Variants in NUB1 observed in about 807,000 individuals in gnomAD.
The protein encoded by NUB1 is NEDD8 ultimate buster 1.
Under a neutral mutation model 77.1 loss-of-function variants are expected in NUB1, and 41 were observed. That is an observed-to-expected ratio of 0.53 (90% confidence interval 0.41 to 0.69). The LOEUF (loss-of-function observed/expected upper bound fraction) is 0.69, where lower values mean the gene tolerates loss of function less well. Ranked by LOEUF, NUB1 falls within the 30% of genes least tolerant of loss-of-function variation. NUB1 has a pLI of 0.00. For synonymous variants in NUB1, 257 were observed against 281.0 expected (o/e 0.91, Z 0.85); for missense variants, 643 against 743.8 (o/e 0.86, Z 1.58).
intron 7 of NUB1, among the ~76,000 whole-genome samples, chr7:151,356,771 G>T (rs1021351313): frequency 6.6e-6 from 1 of 152,180 alleles, no homozygotes; most frequent in Admixed American, 6.5e-5. Flanking sequence ...AGGCTGGAGT[G>T]CAATGGCTCA....
intron 9 of NUB1, 81 bp downstream of exon 9, chr7:151,367,206 AC>A: frequency 8.7e-7 from 1 of 1,153,558 alleles, no homozygotes; most frequent in South Asian, 1.4e-5. Flanking sequence ...TATTTGAACT[AC>A]TGCCAGAAGG....
intron 7 of NUB1, among the ~76,000 whole-genome samples, chr7:151,357,868 C>T (rs1208129264): frequency 6.6e-6 from 1 of 151,894 alleles, no homozygotes; most frequent in Non-Finnish European, 1.5e-5. Flanking sequence ...CCTCGGCCTC[C>T]CAAAGTGCTG....
intron 7 of NUB1, among the ~76,000 whole-genome samples, chr7:151,356,652 T>C (rs565584670): frequency 2.6e-4 from 40 of 152,358 alleles, no homozygotes; most frequent in Admixed American, 2.2e-3. Flanking sequence ...TCATACTCTT[T>C]CCCTGTTCTA....
chr7:151,365,563 C>A (rs1797633849), intron 8 of NUB1, among the ~76,000 whole-genome samples: 1 of 152,084 alleles, frequency 6.6e-6, no homozygotes, highest in Non-Finnish European at 1.5e-5. Context: ...TGCCTAGAGG[C>A]AGGAAATCTC....
rs1418529355 is a variant in NUB1, at chr7:151,345,375, C to A, written c.26C>A (p.Ala9Glu). The A allele has an allele frequency of 6.2e-7, 1 of 1,611,862 alleles. No homozygotes were observed. The highest frequency in any genetic ancestry group is 8.5e-7 in the Non-Finnish European group (1 of 1,178,686). Residue 9 changes from alanine to glutamate, a missense_variant, in exon 2 of 15, where the codon GCA becomes GAA. Physicochemically the swap from Ala to Glu is moderately radical, Grantham distance 107. Transcript: ENST00000568733. MAQKKYLQ[A>E]KLTQFLREDR... ...ATGGCACAAAAGAAATATCTTCAAG[C>A]AAAATTGACCCAGTTTTTAAGGGAA...
At position 151,374,118 on chromosome 7, in the gene NUB1, G is replaced by A; in HGVS notation, c.1270G>A (p.Glu424Lys). ...AAAGGAACTGGCCCAAATAAGGAAG[G>A]AGGAAAAAGAGAAGAAAAGACGCCG... ...RREELAQIRK[E>K]EKEKKRRRLE... The change falls in exon 12 of 15, where the codon GAG (glutamate) becomes AAG (lysine). Residue 424 changes from glutamate to lysine, a missense_variant. Glu to Lys is a moderately conservative substitution (Grantham distance 56). Coordinates refer to ENST00000568733, the MANE Select transcript of NUB1 (RefSeq NM_001243351.2). 1 of 1,564,644 alleles carries A rather than the reference G, an allele frequency of 6.4e-7. No homozygotes were observed. Among genetic ancestry groups the A allele is most frequent in the Non-Finnish European group, 8.7e-7 (1 of 1,155,056 alleles).
At position 151,377,893 on chromosome 7, in the gene NUB1, T is replaced by A. The variant is rs1468052478; in HGVS notation, c.*668T>A. 1 of 152,228 alleles carries A rather than the reference T, an allele frequency of 6.6e-6. No homozygotes were observed. Among genetic ancestry groups the A allele is most frequent in the Non-Finnish European group, 1.5e-5 (1 of 68,030 alleles). 9.4% of individuals were successfully genotyped at this position (152,228 alleles called of 1,614,324 possible). ...ATTGAGTGTCAGGCTTTATATATAT[T>A]CAGCATTCCTCATTACAGAAATCTT... On this transcript the variant is annotated 3_prime_UTR_variant, in exon 15 of 15. Transcript: ENST00000568733.
Position 151,376,746 on chromosome 7 carries a change from C to T in NUB1, c.1604C>T (p.Pro535Leu), listed in dbSNP as rs570959192. 1.1e-5 allele frequency: 18 copies of T among 1,598,942 alleles called. No individual in the cohort carries two copies. Among genetic ancestry groups the T allele is most frequent in the Non-Finnish European group, 1.5e-5 (18 of 1,173,854 alleles). Residue 535 changes from proline to leucine, a missense_variant, in exon 14 of 15, where the codon CCC (proline) becomes CTC (leucine). Coordinates refer to ENST00000568733, the MANE Select transcript of NUB1 (RefSeq NM_001243351.2). ...TLAHNGGSLP[P>L]ELPLSPEDSL... is the part of the protein sequence containing the mutation. ...GCTCACAACGGAGGAAGCCTGCCTC[C>T]CGAGCTGCCGCTGTCGCCAGAAGAC...
chr7:151,370,768 C>T (rs373725093), intron 11 of NUB1, among the ~76,000 whole-genome samples: 14 of 148,122 alleles, frequency 9.5e-5, no homozygotes, highest in African/African-American at 3.2e-4. Context: ...TGTTCAATTC[C>T]CACCTGTGAG....
chr7:151,376,799 T>C lies in NUB1; in HGVS notation c.1657T>C (p.Ser553Pro), dbSNP rs1236851616. Residue 553 changes from serine (S) to proline (P), a missense_variant, in exon 14 of 15, where the codon TCT (serine) becomes CCT (proline). By Grantham distance (74) the Ser-to-Pro change is moderately conservative. Coordinates refer to ENST00000568733, the MANE Select transcript of NUB1 (RefSeq NM_001243351.2). ...DSLSPPATSP[S>P]DSAGTSSAST... ...TTTGTCCCCGCCAGCCACGTCCCCTTCTGACTCCGCAGGTAGGTCTGAGGT... is the reference window on the plus strand; with the variant it reads ...TTTGTCCCCGCCAGCCACGTCCCCTCCTGACTCCGCAGGTAGGTCTGAGGT... 14 of 1,585,098 alleles carry C rather than the reference T, an allele frequency of 8.8e-6. No individual in the cohort carries two copies. Among genetic ancestry groups the C allele is most frequent in the Non-Finnish European group, 1.2e-5 (14 of 1,166,656 alleles).
intron 11 of NUB1, among the ~76,000 whole-genome samples, chr7:151,370,367 G>T (rs369161689): frequency 2.6e-4 from 39 of 152,290 alleles, no homozygotes; most frequent in Admixed American, 7.8e-4. Context: ...GGGATCACAG[G>T]TGTGAGCCAC....
intron 7 of NUB1, among the ~76,000 whole-genome samples, chr7:151,357,807 G>C (rs536276419): frequency 1.3e-5 from 2 of 149,168 alleles, no homozygotes; most frequent in African/African-American, 4.9e-5. Context: ...ACGGGGTTTC[G>C]CCATGTTGGC....
intron 10 of NUB1, 143 bp from the exon 11 acceptor site, chr7:151,368,592 C>A: frequency 1.1e-6 from 1 of 873,344 alleles, no homozygotes; most frequent in Non-Finnish European, 1.7e-6. Flanking sequence ...TTGTTAATAA[C>A]AGGCCTAGTT....
At chr7:151,351,612 A>G (rs939528104) in intron 4 of NUB1, 130 bp downstream of exon 4, 2 of 682,140 alleles carry the variant, frequency 2.9e-6, no homozygotes, top group Admixed American at 3.1e-5. Flanking sequence ...GAGAAAATTG[A>G]GGCTTTGAGG....
intron 11 of NUB1, among the ~76,000 whole-genome samples, chr7:151,369,698 A>G (rs1414715087): frequency 2.0e-5 from 3 of 152,254 alleles, no homozygotes; most frequent in African/African-American, 7.2e-5. Flanking sequence ...TATTAGCAGG[A>G]GAGCCATTTT....
intron 7 of NUB1, among the ~76,000 whole-genome samples, chr7:151,359,242 T>A (rs1453181812): frequency 7.3e-6 from 1 of 136,550 alleles, no homozygotes; most frequent in African/African-American, 2.8e-5. Context: ...ATCGAGACCA[T>A]CCTGGCTAAC....
chr7:151,371,824 A>T (rs979939518), intron 11 of NUB1, among the ~76,000 whole-genome samples: 1 of 152,062 alleles, frequency 6.6e-6, no homozygotes, highest in African/African-American at 2.4e-5. Flanking sequence ...GCTCACTGCA[A>T]CCTTGATCTC....
At chr7:151,360,090 T>C in intron 7 of NUB1, 51 bp from the exon 8 acceptor site, 1 of 782,016 alleles carries the variant, frequency 1.3e-6, no homozygotes, top group Admixed American at 2.6e-5. Context: ...TAATATAATT[T>C]GCCTTATTAT....
At chr7:151,375,986 G>A in intron 13 of NUB1, 43 bp downstream of exon 13, 1 of 1,348,712 alleles carries the variant, frequency 7.4e-7, no homozygotes, top group Non-Finnish European at 1.1e-6. Flanking sequence ...ACAGCCTCGG[G>A]TGGGGTTGCT....
Sources: gnomAD v4.1 joint callset for allele counts (sites outside exome capture counted in the v4.1 genomes callset) on GRCh38, gnomAD v4.1.1 for gene constraint, MANE v1.5 for transcripts, NCBI Gene and HGNC (gene_info 2026-07-23, HGNC 2026-07-21) for gene names.